Variants in RASL10B observed in about 807,000 individuals in gnomAD.
RASL10B encodes RAS like family 10 member B.
A neutral mutation model predicts 20.7 loss-of-function variants in RASL10B; 10 were observed. The ratio of observed to expected loss-of-function variants is 0.48; its 90% CI spans 0.30 to 0.82. The LOEUF (loss-of-function observed/expected upper bound fraction) is 0.82, where lower values mean the gene tolerates loss of function less well. Ranked by LOEUF, RASL10B falls within the 40% of genes least tolerant of loss-of-function variation. RASL10B has a pLI of 0.07. For missense variants in RASL10B, 231 were observed against 295.4 expected, an observed-to-expected ratio of 0.78 and a Z score of 1.60; for synonymous variants, 110 against 123.3, an observed-to-expected ratio of 0.89 and a Z score of 0.72.
At chr17:35,739,466 A>G in intron 2 of RASL10B, among the ~76,000 whole-genome samples, 1 of 152,086 alleles carries the variant, frequency 6.6e-6, no homozygotes, top group Non-Finnish European at 1.5e-5. Flanking sequence ...TCTGTTAAGG[A>G]AACTTCTCTT....
intron 2 of RASL10B, chr17:35,737,059 T>A (rs1010401549): frequency 6.6e-6 from 1 of 152,238 alleles, no homozygotes; most frequent in Non-Finnish European, 1.5e-5. Context: ...TGGTCTCTTA[T>A]CCATACTTTC....
At chr17:35,732,053 G>A (rs1293125658) in intron 1 of RASL10B, among the ~76,000 whole-genome samples, 175 bp downstream of exon 1, 1 of 151,838 alleles carries the variant, frequency 6.6e-6, no homozygotes, top group African/African-American at 2.4e-5. Flanking sequence ...CCACGTGAGA[G>A]CTGGAGCTGG....
Position 35,741,377 on chromosome 17 carries a change from G to A in RASL10B, c.*72G>A, listed in dbSNP as rs933256632. 1.5e-6 allele frequency: 2 copies of A among 1,364,666 alleles called. No homozygotes were observed. The allele number at this position is 1,364,666 out of a possible 1,614,324, so 84.5% of individuals were successfully genotyped here. ...CGGGGCCGTACTGCGGGGCTGGGGC[G>A]GGGAGCGGGCGGGAAATGGAACTGT... On this transcript the variant is annotated 3_prime_UTR_variant, in exon 4 of 4. Transcript: ENST00000603017.
In RASL10B at chr17:35,741,978, C is replaced by G. The variant is rs587755661; in HGVS notation, c.*673C>G. On this transcript the variant is annotated 3_prime_UTR_variant, in exon 4 of 4. Coordinates refer to ENST00000603017, the MANE Select transcript of RASL10B (RefSeq NM_033315.4). ...CTTCCAGGGAGACCTCCCCGCCCAG[C>G]AGCCCCCAGAGACACAACAACCTAC... 6.5e-6 allele frequency: 1 copy of G among 152,914 alleles called. No homozygotes were observed. Among genetic ancestry groups the G allele is most frequent in the South Asian group, 2.1e-4 (1 of 4,826 alleles). 9.5% of individuals were successfully genotyped at this position (152,914 alleles called of 1,614,324 possible).
chr17:35,738,818 G>T (rs139260941), intron 2 of RASL10B, among the ~76,000 whole-genome samples: 5 of 152,126 alleles, frequency 3.3e-5, no homozygotes, highest in African/African-American at 1.2e-4. Flanking sequence ...GAGAGGTGGG[G>T]CTGTCACCCT....
chr17:35,731,888 G>A lies in RASL10B; in HGVS notation c.-148+10G>A, dbSNP rs1555596423. The A allele has an allele frequency of 1.3e-5, 2 of 151,826 alleles. No homozygotes were observed. The allele number at this position is 151,826 out of a possible 1,614,324, so 9.4% of individuals were successfully genotyped here. The stretch of plus-strand genomic sequence containing the variant: ...GCTAGGACGGCCCCGGGTAAGCGGC[G>A]GGAGGAGGGGAAGCGGTCAGGGGTG... On this transcript the variant is annotated intron_variant, in intron 1 of 3. Coordinates refer to ENST00000603017, the MANE Select transcript of RASL10B (RefSeq NM_033315.4).
intron 2 of RASL10B, among the ~76,000 whole-genome samples, chr17:35,736,340 C>A (rs950752952): frequency 4.6e-5 from 7 of 152,224 alleles, no homozygotes; most frequent in African/African-American, 1.7e-4. Context: ...CAAGGCTCGT[C>A]CAGGTGTAAC....
At position 35,735,034 on chromosome 17, in the gene RASL10B, A is replaced by G. The variant is rs1555596893; in HGVS notation, c.-147-4A>G. ...TGCACTAAGCCCACCTCTTGTCCCCACAGTCCAGGTGGAGGCCGCAGAGGG... is the reference window on the plus strand; with the variant it reads ...TGCACTAAGCCCACCTCTTGTCCCCGCAGTCCAGGTGGAGGCCGCAGAGGG... On this transcript the variant is annotated splice_polypyrimidine_tract_variant and splice_region_variant and intron_variant, in intron 1 of 3. Transcript: ENST00000603017. This position sits in a 1 kb window ranked among gnomAD's most constrained non-coding sequence, Gnocchi z 6.7. 1 of 739,208 alleles carries G rather than the reference A, an allele frequency of 1.4e-6. No homozygotes were observed. The highest frequency in any genetic ancestry group is 1.7e-5 in the African/African-American group (1 of 58,040). The allele number at this position is 739,208 out of a possible 1,614,324, so 45.8% of individuals were successfully genotyped here.
chr17:35,735,138 A>G lies in RASL10B; in HGVS notation c.-47A>G. ...GCCCCTGGAATATGCAGCCCGGGGG[A>G]GCCCCAGACAGCGGCAAGGACGAGG... is the stretch of plus-strand genomic sequence containing the variant. On this transcript the variant is annotated 5_prime_UTR_variant, in exon 2 of 4. Transcript: ENST00000603017. This position sits in a 1 kb window ranked among gnomAD's most constrained non-coding sequence, Gnocchi z 6.7. 1 of 1,567,126 alleles carries G rather than the reference A, an allele frequency of 6.4e-7. No individual in the cohort carries two copies.
At position 35,735,512 on chromosome 17, in the gene RASL10B, T is replaced by C; in HGVS notation, c.216+112T>C. On this transcript the variant is annotated intron_variant, in intron 2 of 3. Transcript: ENST00000603017. This position sits in a 1 kb window ranked among gnomAD's most constrained non-coding sequence, Gnocchi z 6.7. Reference sequence around the variant, plus strand: ...TATTGCCAGGGCCCCATCACTGAGTTTGGGAGCTCCACACTGCACCTTGGG... The same window carrying C: ...TATTGCCAGGGCCCCATCACTGAGTCTGGGAGCTCCACACTGCACCTTGGG... 1 of 1,040,256 alleles carries C rather than the reference T, an allele frequency of 9.6e-7. No homozygotes were observed. Among genetic ancestry groups the C allele is most frequent in the Non-Finnish European group, 1.4e-6 (1 of 704,590 alleles). 64.4% of individuals were successfully genotyped at this position (1,040,256 alleles called of 1,614,324 possible).
rs117988422 is a variant in RASL10B, at chr17:35,733,132, C to T, written c.-148+1254C>T. Among the ~76,000 whole-genome samples the T allele has an allele frequency of 5.9e-5, 9 of 152,294 alleles. No individual in the cohort carries two copies. The East Asian group carries it at 1.7e-3, about 29-fold the overall frequency. ...TTGGGGGGTTTGTTTGTTTTTTAAA[C>T]CTTCAATAAAATGAGAAGAATCTCT... On this transcript the variant is annotated intron_variant, in intron 1 of 3. Coordinates refer to ENST00000603017, the MANE Select transcript of RASL10B (RefSeq NM_033315.4).
At position 35,735,007 on chromosome 17, in the gene RASL10B, A is replaced by T; in HGVS notation, c.-147-31A>T. 1 of 635,302 alleles carries T rather than the reference A, an allele frequency of 1.6e-6. No homozygotes were observed. Among genetic ancestry groups the T allele is most frequent in the Non-Finnish European group, 2.8e-6 (1 of 359,220 alleles). 39.4% of individuals were successfully genotyped at this position (635,302 alleles called of 1,614,324 possible). On this transcript the variant is annotated intron_variant, in intron 1 of 3. Transcript: ENST00000603017. The surrounding 1 kb of genome is among the most constrained non-coding windows in gnomAD (Gnocchi z 6.7). ...TGCAGGACACGTCCAGGGATAAGCCAGTGCACTAAGCCCACCTCTTGTCCC... is the reference window on the plus strand; with the variant it reads ...TGCAGGACACGTCCAGGGATAAGCCTGTGCACTAAGCCCACCTCTTGTCCC...
In RASL10B at chr17:35,741,095, CG is replaced by C; in HGVS notation, c.404del (p.Gly135AspfsTer3). The C allele has an allele frequency of 6.2e-7, 1 of 1,613,080 alleles. No homozygotes were observed. Among genetic ancestry groups the C allele is most frequent in the Non-Finnish European group, 8.5e-7 (1 of 1,179,660 alleles). On this transcript the variant is annotated frameshift_variant, in exon 4 of 4. Coordinates refer to ENST00000603017, the MANE Select transcript of RASL10B (RefSeq NM_033315.4). LOFTEE classifies it high-confidence loss of function. Reference protein sequence around the residue: ...IVGNKRDLQRGRVIPRWNVSH... With the variant: ...IVGNKRDLQRXRVIPRWNVSH... The stretch of plus-strand genomic sequence containing the variant: ...TGGGCAACAAGCGGGACCTGCAGCG[CG>C]GACGCGTGATCCCGCGCTGGAACGT...
At chr17:35,733,391 T>C (rs190717670) in intron 1 of RASL10B, among the ~76,000 whole-genome samples, 415 of 152,364 alleles carry the variant, frequency 2.7e-3, no homozygotes, top group African/African-American at 9.4e-3. Context: ...TTCAGGTGAA[T>C]GGCAGAGCTA....
At chr17:35,734,418 A>G (rs782097577) in intron 1 of RASL10B, among the ~76,000 whole-genome samples, 6 of 152,148 alleles carry the variant, frequency 3.9e-5, no homozygotes, top group Non-Finnish European at 8.8e-5. Flanking sequence ...GGATAACCAT[A>G]TGGGCATGCC....
At chr17:35,739,463 A>T (rs1332936001) in intron 2 of RASL10B, among the ~76,000 whole-genome samples, 2 of 152,230 alleles carry the variant, frequency 1.3e-5, no homozygotes, top group Non-Finnish European at 2.9e-5. Flanking sequence ...GAATCTGTTA[A>T]GGAAACTTCT....
chr17:35,740,661 C>G, intron 3 of RASL10B, 128 bp downstream of exon 3: 1 of 1,120,502 alleles, frequency 8.9e-7, no homozygotes, highest in Non-Finnish European at 1.3e-6. Flanking sequence ...CACACATACA[C>G]TCAAACATGC....
intron 2 of RASL10B, among the ~76,000 whole-genome samples, chr17:35,738,751 G>A (rs991340197): frequency 1.3e-5 from 2 of 152,146 alleles, no homozygotes; most frequent in African/African-American, 2.4e-5. Flanking sequence ...GGAACCCCCA[G>A]AGAGGAGTGG....
At position 35,741,459 on chromosome 17, in the gene RASL10B, C is replaced by A; in HGVS notation, c.*154C>A. The A allele has an allele frequency of 8.6e-7, 1 of 1,168,212 alleles. No individual in the cohort carries two copies. Among genetic ancestry groups the A allele is most frequent in the Non-Finnish European group, 1.1e-6 (1 of 889,618 alleles). 72.4% of individuals were successfully genotyped at this position (1,168,212 alleles called of 1,614,324 possible). A position where few individuals can be genotyped will look rare whatever the true frequency, so the allele number is the denominator to read the frequency against. ...GCACCTCCCGGTGAGAAGCAGAGCG[C>A]GAGAGGGAGCCCTCCGTAACTGCCC... is the stretch of plus-strand genomic sequence containing the variant. On this transcript the variant is annotated 3_prime_UTR_variant, in exon 4 of 4. Transcript: ENST00000603017.
Sources: allele counts gnomAD v4.1 joint callset (sites outside exome capture counted in the v4.1 genomes callset), GRCh38; gene constraint gnomAD v4.1.1; non-coding constraint Gnocchi (gnomAD v3.1); transcripts MANE v1.5; gene names NCBI Gene and HGNC (gene_info 2026-07-23, HGNC 2026-07-21).